The following JAML variants were observed in gnomAD, a reference collection of about 807,000 sequenced individuals.
The protein encoded by JAML is junction adhesion molecule like, also known as junctional adhesion molecule-like.
In JAML, 25 loss-of-function variants were observed where a neutral mutation model predicts 39.3. That is an observed-to-expected ratio of 0.64 (90% CI 0.46 to 0.89). JAML has a LOEUF of 0.89. Among genes scored for constraint, JAML ranks in the 40% least tolerant of loss-of-function variants. The pLI, the probability that JAML is intolerant of heterozygous loss-of-function variation, is 0.00. For synonymous variants in JAML, 162 were observed against 179.2 expected, an observed-to-expected ratio of 0.90 and a Z score of 0.77; for missense variants, 440 against 486.9, an observed-to-expected ratio of 0.90 and a Z score of 0.91.
chr11:118,209,615 G>A (rs1450691212), intron 4 of JAML, among the ~76,000 whole-genome samples: 1 of 152,032 alleles, frequency 6.6e-6, no homozygotes, highest in Non-Finnish European at 1.5e-5. Context: ...CCACCTCCTG[G>A]GCTCAAGTGA....
In JAML at chr11:118,198,023, C is replaced by T. The variant is rs1948695887; in HGVS notation, c.980G>A (p.Cys327Tyr). Residue 327 changes from cysteine (C) to tyrosine (Y), a missense_variant, in exon 8 of 10, where the codon TGC (cysteine) becomes TAC (tyrosine). Transcript: ENST00000356289. The part of the protein sequence containing the change: ...KTNPEIKEKP[C>Y]HFERCEGEKH... ...CTCCCCTTCACATCTTTCAAAATGG[C>T]AGGGTTTTTCTTTTATCTCTGGATT... The T allele has an allele frequency of 6.2e-7, 1 of 1,614,018 alleles. No individual in the cohort carries two copies. Among genetic ancestry groups the T allele is most frequent in the African/African-American group, 1.3e-5 (1 of 74,942 alleles).
chr11:118,221,598 C>A (rs1949210263), intron 1 of JAML, among the ~76,000 whole-genome samples: 2 of 152,204 alleles, frequency 1.3e-5, no homozygotes, highest in African/African-American at 4.8e-5. Flanking sequence ...TTGTCTGCCC[C>A]CGACTTACCT....
At chr11:118,200,815 A>G (rs1948777176) in intron 6 of JAML, 1 of 526,582 alleles carries the variant, frequency 1.9e-6, no homozygotes, top group African/African-American at 1.9e-5. Flanking sequence ...TAAAATGTAG[A>G]TTAAGGTGGG....
chr11:118,219,163 T>C (rs192691168), intron 1 of JAML, among the ~76,000 whole-genome samples: 1 of 152,124 alleles, frequency 6.6e-6, no homozygotes, highest in East Asian at 1.9e-4. Context: ...CCAACACATA[T>C]ATGGAAAAAA....
Position 118,212,503 on chromosome 11 carries a change from C to T in JAML, c.102G>A (p.Val34=), listed in dbSNP as rs1949082953. The T allele has an allele frequency of 6.2e-7, 1 of 1,614,208 alleles. No individual in the cohort carries two copies. Among genetic ancestry groups the T allele is most frequent in the Non-Finnish European group, 8.5e-7 (1 of 1,180,032 alleles). The change falls in exon 3 of 10, where the codon GTG becomes GTA. Residue 34 remains valine, a synonymous_variant. Transcript: ENST00000356289. ...CACATCCCATCAGAGCTGAATCACCCACATGGACTGTTAGCTCAGGCGGGG... is the reference window on the plus strand; with the variant it reads ...CACATCCCATCAGAGCTGAATCACCTACATGGACTGTTAGCTCAGGCGGGG... The part of the protein sequence containing the change: ...NVSPPELTVH[V]GDSALMGCVF...
rs780342664 is a variant in JAML, at chr11:118,210,713, C to T, written c.199-1G>A. On this transcript the variant is annotated splice_acceptor_variant, in intron 3 of 9. Coordinates refer to ENST00000356289, the MANE Select transcript of JAML (RefSeq NM_001098526.2). LOFTEE classifies it high-confidence loss of function. ...AGTAATAGTATAGCACATATTCGTCCTGAAGGGCAAAACAGTGTTGGAGAC... is the reference window on the plus strand; with the variant it reads ...AGTAATAGTATAGCACATATTCGTCTTGAAGGGCAAAACAGTGTTGGAGAC... 6.2e-7 allele frequency: 1 copy of T among 1,613,182 alleles called. No homozygotes were observed. The highest frequency in any genetic ancestry group is 8.5e-7 in the Non-Finnish European group (1 of 1,179,156).
intron 1 of JAML, among the ~76,000 whole-genome samples, chr11:118,218,139 G>T (rs547033935): frequency 3.3e-5 from 5 of 152,192 alleles, no homozygotes; most frequent in African/African-American, 9.6e-5. Flanking sequence ...TGTTGCCCAG[G>T]CTGGAGTGCA....
intron 2 of JAML, among the ~76,000 whole-genome samples, chr11:118,214,412 T>C (rs1011331060): frequency 6.6e-6 from 1 of 152,142 alleles, no homozygotes; most frequent in Non-Finnish European, 1.5e-5. Context: ...CTCAGTCCAT[T>C]TGAGGAACCA....
chr11:118,208,057 C>T (rs985797163), intron 4 of JAML, among the ~76,000 whole-genome samples: 3 of 151,782 alleles, frequency 2.0e-5, no homozygotes, highest in African/African-American at 7.3e-5. Context: ...GTAGGGAAAC[C>T]CCATCTCTAC....
At chr11:118,203,354 C>T (rs1171081370) in intron 6 of JAML, 74 bp downstream of exon 6, 21 of 1,373,314 alleles carry the variant, frequency 1.5e-5, no homozygotes, top group Admixed American at 8.4e-5. Context: ...GGAACCTCTC[C>T]GGCCTCACTC....
intron 2 of JAML, chr11:118,213,146 T>G (rs1486133473): frequency 1.4e-6 from 2 of 1,417,292 alleles, no homozygotes; most frequent in African/African-American, 1.4e-5. Context: ...CCCTCCAGCT[T>G]TGCCATCAGC....
rs1948956226 is a variant in JAML, at chr11:118,208,067, C to T, written c.425-2076G>A. 2.6e-5 allele frequency among the ~76,000 whole-genome samples: 4 copies of T among 151,130 alleles called. No homozygotes were observed. The Admixed American group carries it at 2.6e-4, about 10-fold the overall frequency. ...GCAACGTAGGGAAACCCCATCTCTA[C>T]TTAAACAAACAAACAAAGCCAGGCA... On this transcript the variant is annotated intron_variant, in intron 4 of 9. Transcript: ENST00000356289.
rs1000616177 is a variant in JAML, at chr11:118,204,040, CA to C, written c.535-376del. ...AAAACTGAACTCTTCATCTTTCCCC[CA>C]AACCAGTTCTTTCCAGTCCATCCCA... On this transcript the variant is annotated intron_variant, in intron 5 of 9. Coordinates refer to ENST00000356289, the MANE Select transcript of JAML (RefSeq NM_001098526.2). 3 of 236,874 alleles carry C rather than the reference CA, an allele frequency of 1.3e-5. No individual in the cohort carries two copies. In the Admixed American group the frequency reaches 1.5e-4, roughly 12 times the overall value. 14.7% of individuals were successfully genotyped at this position (236,874 alleles called of 1,614,324 possible).
intron 4 of JAML, among the ~76,000 whole-genome samples, chr11:118,208,566 C>T (rs984184358): frequency 5.9e-5 from 9 of 152,262 alleles, no homozygotes; most frequent in Admixed American, 6.5e-5. Context: ...ACCAGAGGAG[C>T]TCATTAATAA....
intron 6 of JAML, chr11:118,202,599 T>G (rs1948828728): frequency 1.3e-5 from 3 of 225,098 alleles, no homozygotes; most frequent in Non-Finnish European, 2.7e-5. Flanking sequence ...TGAGCCCCCA[T>G]AATGGCTCGA....
At chr11:118,221,360 T>C (rs1591483334) in intron 1 of JAML, among the ~76,000 whole-genome samples, 1 of 152,238 alleles carries the variant, frequency 6.6e-6, no homozygotes, top group East Asian at 1.9e-4. Flanking sequence ...TTTTTCCCCA[T>C]GGAAAACAAT....
intron 1 of JAML, among the ~76,000 whole-genome samples, chr11:118,220,053 C>A (rs1949194379): frequency 6.6e-6 from 1 of 152,226 alleles, no homozygotes; most frequent in Non-Finnish European, 1.5e-5. Flanking sequence ...CCTCTCCTAC[C>A]TTTTCTGGTC....
intron 1 of JAML, among the ~76,000 whole-genome samples, chr11:118,216,041 A>G (rs1949136281): frequency 6.6e-6 from 1 of 152,182 alleles, no homozygotes; most frequent in African/African-American, 2.4e-5. Context: ...CTCTGCTAGG[A>G]CATCTGGCAC....
At chr11:118,223,302 T>C (rs747432961) in intron 1 of JAML, among the ~76,000 whole-genome samples, 11 of 152,130 alleles carry the variant, frequency 7.2e-5, no homozygotes, top group Non-Finnish European at 1.2e-4. Context: ...CCCATGTGTC[T>C]GAATAATGGT....
Sources: allele counts gnomAD v4.1 joint callset (sites outside exome capture counted in the v4.1 genomes callset), GRCh38; gene constraint gnomAD v4.1.1; transcripts MANE v1.5; gene names NCBI Gene and HGNC (gene_info 2026-07-23, HGNC 2026-07-21).